ESCO1: variants seen among roughly 807,000 people sequenced by gnomAD.
The protein encoded by ESCO1 is N-acetyltransferase ESCO1.
In ESCO1, 33 loss-of-function variants were observed where a neutral mutation model predicts 83.5. That is an observed-to-expected ratio of 0.40 (90% CI 0.30 to 0.53). ESCO1 has a LOEUF of 0.53. Ranked by LOEUF, ESCO1 falls within the 20% of genes least tolerant of loss-of-function variation. ESCO1 has a pLI of 0.63. For missense variants in ESCO1, 855 were observed against 968.0 expected (o/e 0.88, Z 1.55); for synonymous variants, 332 against 324.3 (o/e 1.02, Z -0.25).
intron 10 of ESCO1, among the ~76,000 whole-genome samples, chr18:21,535,253 C>T (rs1295180197): frequency 6.6e-6 from 1 of 151,128 alleles, no homozygotes; most frequent in African/African-American, 2.4e-5. Flanking sequence ...CTCACTCTGT[C>T]ACCCAGGCTG....
At chr18:21,566,324 T>C (rs1288290765) in intron 5 of ESCO1, 118 bp from the exon 6 acceptor site, 1 of 850,044 alleles carries the variant, frequency 1.2e-6, no homozygotes, top group Non-Finnish European at 1.8e-6. Flanking sequence ...GACTTATTTT[T>C]AATAAAGACC....
At chr18:21,598,048 T>C (rs965080677) in intron 1 of ESCO1, among the ~76,000 whole-genome samples, 1 of 152,182 alleles carries the variant, frequency 6.6e-6, no homozygotes, top group South Asian at 2.1e-4. Context: ...AAAGGGGTAA[T>C]ATAGTCCTTA....
At chr18:21,594,744 T>G (rs562348621) in intron 1 of ESCO1, among the ~76,000 whole-genome samples, 3 of 152,204 alleles carry the variant, frequency 2.0e-5, no homozygotes, top group African/African-American at 7.2e-5. Context: ...AAATTATCTA[T>G]TTTTGAAGAA....
At chr18:21,568,406 T>A (rs2038292305) in intron 4 of ESCO1, among the ~76,000 whole-genome samples, 1 of 152,130 alleles carries the variant, frequency 6.6e-6, no homozygotes. Context: ...GACAACATAG[T>A]GACACCCTAT....
At chr18:21,590,467 G>A (rs576823544) in intron 1 of ESCO1, among the ~76,000 whole-genome samples, 35 of 151,290 alleles carry the variant, frequency 2.3e-4, no homozygotes, top group African/African-American at 8.2e-4. Flanking sequence ...TGATCCGCCC[G>A]CCTCAGCCTC....
intron 8 of ESCO1, among the ~76,000 whole-genome samples, chr18:21,555,189 C>G (rs1413243523): frequency 6.6e-6 from 1 of 152,092 alleles, no homozygotes; most frequent in African/African-American, 2.4e-5. Flanking sequence ...CTATATTATT[C>G]CAACTCTGAC....
intron 4 of ESCO1, among the ~76,000 whole-genome samples, chr18:21,570,267 T>TA (rs1446034973): frequency 6.6e-6 from 1 of 151,898 alleles, no homozygotes; most frequent in Non-Finnish European, 1.5e-5. Context: ...CTAGCTAATT[T>TA]TTAAATTATT....
chr18:21,546,405 C>CAA (rs71178183), intron 8 of ESCO1, among the ~76,000 whole-genome samples: 30 of 151,864 alleles, frequency 2.0e-4, no homozygotes, highest in East Asian at 3.9e-4. Context: ...CAAATAAAAA[C>CAA]AAAAAAACAA....
At position 21,568,001 on chromosome 18, in the gene ESCO1, T is replaced by C. The variant is rs1485543596; in HGVS notation, c.1624A>G (p.Thr542Ala). 6.2e-7 allele frequency: 1 copy of C among 1,612,746 alleles called. No individual in the cohort carries two copies. Among genetic ancestry groups the C allele is most frequent in the East Asian group, 2.2e-5 (1 of 44,848 alleles). The change falls in exon 5 of 12, where the codon ACA (threonine) becomes GCA (alanine). Residue 542 changes from threonine to alanine, a missense_variant. Around this residue, in one of 2 missense-constraint regions of ESCO1, gnomAD observed 726 missense variants for 699.5 expected, o/e 1.04. Coordinates refer to ENST00000269214, the MANE Select transcript of ESCO1 (RefSeq NM_052911.3). ...STLLSQAKID[T>A]GENKFPGSAP... ...TTACCTGGAAATTTATTCTCTCCTG[T>C]ATCAATTTTTGCTTGACTGAGCAGA...
At chr18:21,558,130 C>T (rs1387886121) in intron 8 of ESCO1, among the ~76,000 whole-genome samples, 1 of 151,938 alleles carries the variant, frequency 6.6e-6, no homozygotes, top group East Asian at 1.9e-4. Context: ...GGACTACAGG[C>T]GCATGCCACC....
chr18:21,591,896 A>T (rs1398356937), intron 1 of ESCO1, among the ~76,000 whole-genome samples: 1 of 151,222 alleles, frequency 6.6e-6, no homozygotes, highest in African/African-American at 2.4e-5. Flanking sequence ...GCCTTCAAGC[A>T]TCTGTTTAAC....
At chr18:21,545,711 C>T (rs921563619) in intron 8 of ESCO1, among the ~76,000 whole-genome samples, 6 of 152,090 alleles carry the variant, frequency 3.9e-5, no homozygotes, top group South Asian at 4.1e-4. Context: ...GGTGGATCTC[C>T]TGAGGTCAGG....
chr18:21,549,269 T>A (rs1440585817), intron 8 of ESCO1, among the ~76,000 whole-genome samples: 5 of 152,212 alleles, frequency 3.3e-5, no homozygotes, highest in Non-Finnish European at 7.3e-5. Flanking sequence ...TACAGAAATC[T>A]ACTTTAGGAC....
intron 7 of ESCO1, among the ~76,000 whole-genome samples, chr18:21,562,618 G>A (rs2146199967): frequency 6.6e-6 from 1 of 151,798 alleles, no homozygotes; most frequent in Non-Finnish European, 1.5e-5. Context: ...CTCTAGCCTG[G>A]GTGACAGCAT....
intron 4 of ESCO1, 118 bp downstream of exon 4, chr18:21,573,196 G>T: frequency 1.0e-6 from 1 of 993,068 alleles, no homozygotes; most frequent in Non-Finnish European, 1.4e-6. Flanking sequence ...AACTTAACAG[G>T]AGAACTTAAA....
At chr18:21,547,322 A>G (rs1013009413) in intron 8 of ESCO1, among the ~76,000 whole-genome samples, 3 of 151,164 alleles carry the variant, frequency 2.0e-5, no homozygotes, top group Non-Finnish European at 2.9e-5. Context: ...AAATTATCAC[A>G]TAAGAGATTA....
chr18:21,536,389 C>A (rs577926531), intron 9 of ESCO1, among the ~76,000 whole-genome samples: 1 of 151,832 alleles, frequency 6.6e-6, no homozygotes, highest in African/African-American at 2.4e-5. Flanking sequence ...CAGGAGTTCA[C>A]GACCAGCCTG....
intron 1 of ESCO1, among the ~76,000 whole-genome samples, chr18:21,593,792 T>G (rs1463547074): frequency 7.0e-6 from 1 of 143,016 alleles, no homozygotes; most frequent in East Asian, 2.1e-4. Flanking sequence ...AAACCTGCCA[T>G]GGCCACAGGC....
At chr18:21,592,835 G>A (rs76257578) in intron 1 of ESCO1, among the ~76,000 whole-genome samples, 3 of 133,506 alleles carry the variant, frequency 2.2e-5, no homozygotes, top group African/African-American at 5.2e-5. Flanking sequence ...CTTCTCAGAC[G>A]GGGCGGTTGC....
Sources: allele counts gnomAD v4.1 joint callset (sites outside exome capture counted in the v4.1 genomes callset), GRCh38; gene constraint gnomAD v4.1.1; regional missense constraint gnomAD v4.1.1; transcripts MANE v1.5; gene names NCBI Gene and HGNC (gene_info 2026-07-23, HGNC 2026-07-21).